SNX29: variants seen among roughly 807,000 people sequenced by gnomAD.
SNX29 encodes sorting nexin-29.
In SNX29, 78 loss-of-function variants were observed where a neutral mutation model predicts 102.1. The ratio of observed to expected loss-of-function variants is 0.76; its 90% CI spans 0.64 to 0.92. The LOEUF is 0.92. SNX29 is among the 40% of genes least tolerant of loss of function. The probability of loss-of-function intolerance (pLI) is 0.00; values close to 1 mark genes in which losing one functional copy is unlikely to be tolerated. For missense variants in SNX29, 1,280 were observed against 1,061.7 expected, an observed-to-expected ratio of 1.21 and a Z score of -2.86; for synonymous variants, 580 against 414.5, an observed-to-expected ratio of 1.40 and a Z score of -4.85.
At chr16:12,475,051 T>C (rs956422383) in intron 18 of SNX29, among the ~76,000 whole-genome samples, 2 of 152,360 alleles carry the variant, frequency 1.3e-5, no homozygotes, top group Admixed American at 1.3e-4. Flanking sequence ...GATCCTGGCA[T>C]AGCTGCGCTA....
intron 2 of SNX29, among the ~76,000 whole-genome samples, chr16:11,999,949 T>C (rs1274152248): frequency 6.6e-6 from 1 of 151,522 alleles, no homozygotes; most frequent in Non-Finnish European, 1.5e-5. Flanking sequence ...TCTCATTGTC[T>C]CATTTCCAAG....
chr16:12,426,852 G>A (rs1332556989), intron 18 of SNX29, among the ~76,000 whole-genome samples: 1 of 152,114 alleles, frequency 6.6e-6, no homozygotes, highest in African/African-American at 2.4e-5. Flanking sequence ...TTTTAGTAGA[G>A]ATGGGGTTTT....
chr16:12,570,309 C>A lies in SNX29; in HGVS notation c.*1680C>A. 2 of 1,027,444 alleles carry A rather than the reference C, an allele frequency of 1.9e-6. No individual in the cohort carries two copies. The highest frequency in any genetic ancestry group is 1.2e-6 in the Non-Finnish European group (1 of 844,742). The allele number at this position is 1,027,444 out of a possible 1,614,324, so 63.6% of individuals were successfully genotyped here. A position where few individuals can be genotyped will look rare whatever the true frequency, so the allele number is the denominator to read the frequency against. On this transcript the variant is annotated 3_prime_UTR_variant, in exon 21 of 21. Transcript: ENST00000566228. ...GTTTGCGAGTGTGGAGGACCCGAGA[C>A]ATCCTGTAAAGGCAACTTGGTCTCC...
At position 11,976,793 on chromosome 16, in the gene SNX29, C is replaced by G. The variant is rs1405131504; in HGVS notation, c.-14C>G. 14 of 1,370,938 alleles carry G rather than the reference C, an allele frequency of 1.0e-5. No individual in the cohort carries two copies. Among genetic ancestry groups the G allele is most frequent in the Admixed American group, 3.0e-5 (1 of 33,274 alleles). 84.9% of individuals were successfully genotyped at this position (1,370,938 alleles called of 1,614,324 possible). Reference sequence around the variant, plus strand: ...CGGCGGCGCGGCGCAGGCACCGGCCCGGGGAGAGGCACCATGAGCGGTGAG... The same window carrying G: ...CGGCGGCGCGGCGCAGGCACCGGCCGGGGGAGAGGCACCATGAGCGGTGAG... On this transcript the variant is annotated 5_prime_UTR_variant, in exon 1 of 21. Transcript: ENST00000566228.
At chr16:12,060,446 C>CA (rs1229127256) in intron 8 of SNX29, among the ~76,000 whole-genome samples, 6 of 152,034 alleles carry the variant, frequency 3.9e-5, no homozygotes, top group Admixed American at 6.6e-5. Context: ...CAAAACAAAA[C>CA]AAAAAATTAG....
At chr16:12,052,871 C>T (rs1265391701) in intron 8 of SNX29, 2 of 154,196 alleles carry the variant, frequency 1.3e-5, no homozygotes, top group South Asian at 2.0e-4. Context: ...TTCCTTGCAT[C>T]TGACTTGCCA....
chr16:12,457,240 T>C (rs941678965), intron 18 of SNX29, among the ~76,000 whole-genome samples: 6 of 152,216 alleles, frequency 3.9e-5, no homozygotes, highest in African/African-American at 1.4e-4. Flanking sequence ...CCCTCTTAGG[T>C]GGGTGCTAAT....
intron 3 of SNX29, among the ~76,000 whole-genome samples, chr16:12,005,240 A>G (rs1452735359): frequency 1.3e-5 from 2 of 152,228 alleles, no homozygotes; most frequent in African/African-American, 4.8e-5. Flanking sequence ...TTGAGGGCCT[A>G]CTATGGGGCC....
At chr16:12,564,197 G>A (rs530120332) in intron 20 of SNX29, among the ~76,000 whole-genome samples, 23 of 147,778 alleles carry the variant, frequency 1.6e-4, no homozygotes, top group African/African-American at 5.3e-4. Context: ...AGACCGTCCT[G>A]GGCACCATAG....
intron 14 of SNX29, among the ~76,000 whole-genome samples, chr16:12,204,694 AAG>A (rs1428918560): frequency 6.6e-6 from 1 of 152,222 alleles, no homozygotes; most frequent in Non-Finnish European, 1.5e-5. Flanking sequence ...GCAATTTAAA[AAG>A]TTTGTTCTCA....
intron 18 of SNX29, among the ~76,000 whole-genome samples, chr16:12,429,734 C>G (rs2085236390): frequency 6.6e-6 from 1 of 152,184 alleles, no homozygotes; most frequent in African/African-American, 2.4e-5. Context: ...TTCTCCTTGT[C>G]AAACAGTTGT....
chr16:12,549,574 C>T (rs746395618), intron 20 of SNX29, among the ~76,000 whole-genome samples: 10 of 152,216 alleles, frequency 6.6e-5, no homozygotes, highest in Non-Finnish European at 1.3e-4. Context: ...CCTGGGACCC[C>T]AGCCCTAAGA....
At chr16:12,309,095 T>C (rs2080446104) in intron 15 of SNX29, among the ~76,000 whole-genome samples, 1 of 152,142 alleles carries the variant, frequency 6.6e-6, no homozygotes. Flanking sequence ...ACCCACCAAG[T>C]GTGTTTCGGA....
chr16:12,399,712 T>C (rs959608593), intron 17 of SNX29, among the ~76,000 whole-genome samples: 10 of 152,024 alleles, frequency 6.6e-5, no homozygotes, highest in Admixed American at 4.6e-4. Flanking sequence ...CTATTCATGT[T>C]GGGGCAGCTG....
intron 3 of SNX29, among the ~76,000 whole-genome samples, chr16:12,004,183 T>C (rs1479489099): frequency 6.6e-6 from 1 of 150,974 alleles, no homozygotes; most frequent in East Asian, 2.0e-4. Flanking sequence ...CTACTAAAAA[T>C]ACAAAAAATT....
chr16:12,332,169 A>G (rs1257004888), intron 15 of SNX29, among the ~76,000 whole-genome samples: 3 of 152,140 alleles, frequency 2.0e-5, no homozygotes, highest in Non-Finnish European at 2.9e-5. Flanking sequence ...CTAGAAGAAA[A>G]TTGATGGTCA....
At chr16:12,291,291 A>G (rs2079784347) in intron 15 of SNX29, among the ~76,000 whole-genome samples, 1 of 152,216 alleles carries the variant, frequency 6.6e-6, no homozygotes, top group Admixed American at 6.5e-5. Flanking sequence ...ATCATGGCAG[A>G]AGGCAAGGAG....
intron 15 of SNX29, among the ~76,000 whole-genome samples, chr16:12,293,234 G>A (rs571649507): frequency 1.3e-5 from 2 of 152,284 alleles, no homozygotes; most frequent in South Asian, 4.1e-4. Context: ...GAGTCACCAC[G>A]CCTGACCCCA....
At chr16:12,532,629 G>A (rs1290597086) in intron 20 of SNX29, among the ~76,000 whole-genome samples, 1 of 152,188 alleles carries the variant, frequency 6.6e-6, no homozygotes, top group Non-Finnish European at 1.5e-5. Context: ...TTTGGGATGC[G>A]ATTTCCTGAT....
Sources: gnomAD v4.1 joint callset for allele counts (sites outside exome capture counted in the v4.1 genomes callset) on GRCh38, gnomAD v4.1.1 for gene constraint, MANE v1.5 for transcripts, NCBI Gene and HGNC (gene_info 2026-07-23, HGNC 2026-07-21) for gene names.